The following ULK4 variants were observed in gnomAD, a reference collection of about 807,000 sequenced individuals.
The protein encoded by ULK4 is unc-51 like kinase 4.
In ULK4, 133 loss-of-function variants were observed where a neutral mutation model predicts 160.6. The observed-to-expected ratio is 0.83, with a 90% confidence interval of 0.72 to 0.96. The LOEUF is 0.96. ULK4 is among the 40% of genes least tolerant of loss of function. The pLI, the probability that ULK4 is intolerant of heterozygous loss-of-function variation, is 0.00. For missense variants in ULK4, 1,580 were observed against 1,499.5 expected (o/e 1.05, Z -0.89); for synonymous variants, 534 against 539.8 (o/e 0.99, Z 0.15).
chr3:41,383,415 A>G (rs2081721163), intron 35 of ULK4, among the ~76,000 whole-genome samples: 1 of 152,108 alleles, frequency 6.6e-6, no homozygotes, highest in South Asian at 2.1e-4. Context: ...TATTTTTCAA[A>G]CATATTCATT....
chr3:41,385,889 T>C (rs1050600540), intron 35 of ULK4, among the ~76,000 whole-genome samples: 3 of 152,204 alleles, frequency 2.0e-5, no homozygotes, highest in African/African-American at 4.8e-5. Flanking sequence ...ATTCTTTCTA[T>C]TCCACTAAGC....
At chr3:41,315,828 C>T (rs1469737806) in intron 35 of ULK4, among the ~76,000 whole-genome samples, 3 of 152,122 alleles carry the variant, frequency 2.0e-5, no homozygotes, top group Non-Finnish European at 4.4e-5. Context: ...ACATCAAAAC[C>T]ACAATGAGAT....
chr3:41,926,290 G>C (rs1034553490), intron 5 of ULK4, among the ~76,000 whole-genome samples: 1 of 152,130 alleles, frequency 6.6e-6, no homozygotes, highest in African/African-American at 2.4e-5. Context: ...AAACAGAAAA[G>C]AATAGCATCA....
chr3:41,890,259 A>T (rs76313799), intron 16 of ULK4, among the ~76,000 whole-genome samples: 1 of 152,166 alleles, frequency 6.6e-6, no homozygotes, highest in Non-Finnish European at 1.5e-5. Context: ...AGAGAAAGTG[A>T]GAAAGCAAAA....
intron 35 of ULK4, among the ~76,000 whole-genome samples, chr3:41,396,791 G>T: frequency 6.6e-6 from 1 of 152,098 alleles, no homozygotes; most frequent in Non-Finnish European, 1.5e-5. Flanking sequence ...TCCCACACTT[G>T]GGGAACTGAA....
At chr3:41,742,606 C>T (rs1215184387) in intron 22 of ULK4, among the ~76,000 whole-genome samples, 1 of 151,838 alleles carries the variant, frequency 6.6e-6, no homozygotes, top group Non-Finnish European at 1.5e-5. Flanking sequence ...AAGAAAATCG[C>T]ATGAATCAAA....
At chr3:41,858,147 G>GTTTTTTTTTTTTTTTTTTTT (rs71288052) in intron 17 of ULK4, among the ~76,000 whole-genome samples, 1 of 92,116 alleles carries the variant, frequency 1.1e-5, no homozygotes, top group Non-Finnish European at 2.1e-5. Flanking sequence ...TTTTTTGTTT[G>GTTTTTTTTTTTTTTTTTTTT]TTTTTTTTTT....
intron 35 of ULK4, among the ~76,000 whole-genome samples, chr3:41,270,609 T>C (rs924143089): frequency 6.6e-6 from 1 of 152,244 alleles, no homozygotes; most frequent in African/African-American, 2.4e-5. Context: ...TAGCTGGTAA[T>C]GGTAAGAGCT....
At chr3:41,947,065 T>C (rs927054273) in intron 2 of ULK4, among the ~76,000 whole-genome samples, 1 of 152,196 alleles carries the variant, frequency 6.6e-6, no homozygotes, top group African/African-American at 2.4e-5. Context: ...CAGTGGCTCA[T>C]GCCTGTAATC....
intron 30 of ULK4, among the ~76,000 whole-genome samples, chr3:41,652,108 A>C (rs893705278): frequency 2.6e-5 from 4 of 152,246 alleles, no homozygotes; most frequent in Admixed American, 6.5e-5. Flanking sequence ...ACTGAGCCTC[A>C]TAAGATATGG....
At chr3:41,644,487 G>C (rs1250815425) in intron 30 of ULK4, among the ~76,000 whole-genome samples, 2 of 152,146 alleles carry the variant, frequency 1.3e-5, no homozygotes, top group East Asian at 1.9e-4. Flanking sequence ...TTATATGTTG[G>C]ATTACATTTA....
chr3:41,943,431 G>A (rs1012292850), intron 2 of ULK4, among the ~76,000 whole-genome samples: 7 of 151,880 alleles, frequency 4.6e-5, no homozygotes, highest in Non-Finnish European at 8.8e-5. Context: ...TTTCCAGCCC[G>A]CTCCCACAAC....
intron 17 of ULK4, among the ~76,000 whole-genome samples, chr3:41,883,071 T>C (rs954158078): frequency 2.0e-5 from 3 of 152,162 alleles, no homozygotes; most frequent in African/African-American, 7.2e-5. Flanking sequence ...AGAGATGGAA[T>C]TGTAAGCAAG....
intron 35 of ULK4, among the ~76,000 whole-genome samples, chr3:41,373,246 A>C (rs1447398139): frequency 5.9e-5 from 9 of 152,140 alleles, no homozygotes; most frequent in Non-Finnish European, 5.9e-5. Context: ...AAAATTAATA[A>C]GAATATTCAG....
At chr3:41,756,752 G>T (rs1269352336) in intron 21 of ULK4, among the ~76,000 whole-genome samples, 2 of 151,642 alleles carry the variant, frequency 1.3e-5, no homozygotes, top group East Asian at 3.9e-4. Context: ...ACTAGATATT[G>T]ATCTACACAA....
intron 32 of ULK4, among the ~76,000 whole-genome samples, chr3:41,493,086 CA>C (rs1408703969): frequency 9.8e-6 from 1 of 101,996 alleles, no homozygotes; most frequent in African/African-American, 3.5e-5. Context: ...ACCTAATAGA[CA>C]TCTACAGAAC....
intron 30 of ULK4, among the ~76,000 whole-genome samples, chr3:41,652,120 T>C (rs867976056): frequency 6.6e-5 from 10 of 152,254 alleles, no homozygotes; most frequent in Admixed American, 3.3e-4. Context: ...AAGATATGGA[T>C]AGGCAATGAA....
intron 33 of ULK4, among the ~76,000 whole-genome samples, chr3:41,456,704 C>T (rs1163500938): frequency 6.6e-6 from 1 of 152,218 alleles, no homozygotes; most frequent in African/African-American, 2.4e-5. Flanking sequence ...CCCTTCCTCT[C>T]TGTTTTTACG....
chr3:41,557,406 A>C (rs2087338769), intron 32 of ULK4, among the ~76,000 whole-genome samples: 1 of 151,972 alleles, frequency 6.6e-6, no homozygotes. Flanking sequence ...AATATAAAAA[A>C]AGAATTAATA....
Sources: gnomAD v4.1 joint callset for allele counts (sites outside exome capture counted in the v4.1 genomes callset) on GRCh38, gnomAD v4.1.1 for gene constraint, MANE v1.5 for transcripts, NCBI Gene and HGNC (gene_info 2026-07-23, HGNC 2026-07-21) for gene names.